Variants in TP73 observed in about 807,000 individuals in gnomAD.
TP73 encodes tumor protein p73.
TP73 carries 25 observed loss-of-function variants against 62.5 expected under a neutral mutation model. The ratio of observed to expected loss-of-function variants is 0.40; its 90% CI spans 0.29 to 0.56. The LOEUF (loss-of-function observed/expected upper bound fraction) is 0.56. Ranked by LOEUF, TP73 falls within the 20% of genes least tolerant of loss-of-function variation. The pLI, the probability that TP73 is intolerant of heterozygous loss-of-function variation, is 0.46. For missense variants in TP73, 754 were observed against 913.3 expected (o/e 0.83, Z 2.25); for synonymous variants, 423 against 377.5 (o/e 1.12, Z -1.40).
At chr1:3,718,247 C>A (rs1038483809) in intron 4 of TP73, among the ~76,000 whole-genome samples, 2 of 152,166 alleles carry the variant, frequency 1.3e-5, no homozygotes, top group African/African-American at 2.4e-5. Flanking sequence ...CAGTGCTCCC[C>A]GCGCCTGGGC....
intron 1 of TP73, among the ~76,000 whole-genome samples, chr1:3,656,335 G>A (rs1557476413): frequency 3.3e-5 from 5 of 152,214 alleles, no homozygotes; most frequent in East Asian, 1.9e-4. Context: ...CTAAACACTC[G>A]CTCATCCAAA....
chr1:3,672,564 A>T lies in TP73; in HGVS notation c.-33-9769A>T, dbSNP rs1408241522. On this transcript the variant is annotated intron_variant, in intron 1 of 13. Coordinates refer to ENST00000378295, the MANE Select transcript of TP73 (RefSeq NM_005427.4). The surrounding 1 kb of genome is among the most constrained non-coding windows in gnomAD (Gnocchi z 5.3). The stretch of plus-strand genomic sequence containing the variant: ...ATCGACTCAGACACCCACTCTGGCC[A>T]TAAGCTCCGCTCTGTCCCAGCCCTG... Among the ~76,000 whole-genome samples, 2 of 152,018 alleles carry T rather than the reference A, an allele frequency of 1.3e-5. No homozygotes were observed. The highest frequency in any genetic ancestry group is 3.9e-4 in the East Asian group (2 of 5,184).
intron 1 of TP73, among the ~76,000 whole-genome samples, chr1:3,654,984 C>A (rs573323104): frequency 2.2e-4 from 33 of 152,378 alleles, no homozygotes; most frequent in Admixed American, 1.9e-3. Flanking sequence ...CCGGACGAGG[C>A]CCTGCCCTTG....
intron 12 of TP73, 72 bp downstream of exon 12, chr1:3,731,137 C>T (rs1642108655): frequency 6.4e-7 from 1 of 1,556,042 alleles, no homozygotes; most frequent in African/African-American, 1.3e-5. Context: ...CTGGCCATGT[C>T]AGCTGCCCTG....
chr1:3,660,493 T>C (rs1235044382), intron 1 of TP73, among the ~76,000 whole-genome samples: 1 of 152,252 alleles, frequency 6.6e-6, no homozygotes, highest in Non-Finnish European at 1.5e-5. Flanking sequence ...CAGATTCATC[T>C]TGAACTTAAG....
intron 8 of TP73, 45 bp downstream of exon 8, chr1:3,727,815 G>GGGACACATTGGCA: frequency 1.3e-6 from 2 of 1,483,458 alleles, no homozygotes; most frequent in Non-Finnish European, 1.8e-6. Flanking sequence ...GGAGGAGAAG[G>GGGACACATTGGCA]GGACACATTG....
At position 3,663,001 on chromosome 1, in the gene TP73, G is replaced by T. The variant is rs142630218; in HGVS notation, c.-34+10360G>T. Among the ~76,000 whole-genome samples the T allele has an allele frequency of 2.0e-5, 3 of 152,244 alleles. No homozygotes were observed. Among genetic ancestry groups the T allele is most frequent in the Non-Finnish European group, 4.4e-5 (3 of 68,044 alleles). The stretch of plus-strand genomic sequence containing the variant: ...CTGGCATGAGTAATCTGAGGGCGGC[G>T]CTTTCCTCACTGCAGTGGCATCATA... On this transcript the variant is annotated intron_variant, in intron 1 of 13. Transcript: ENST00000378295. This position sits in a 1 kb window ranked among gnomAD's most constrained non-coding sequence, Gnocchi z 4.7.
chr1:3,657,790 C>T (rs1262724986), intron 1 of TP73, among the ~76,000 whole-genome samples: 4 of 152,192 alleles, frequency 2.6e-5, no homozygotes, highest in African/African-American at 4.8e-5. Flanking sequence ...CAGCACCTCC[C>T]GCCTGGCGCC....
At position 3,732,867 on chromosome 1, in the gene TP73, G is replaced by GCCA. The variant is rs1642244640; in HGVS notation, c.1703_1705dup (p.Thr568dup). The GCCA allele has an allele frequency of 6.2e-7, 1 of 1,612,024 alleles. No homozygotes were observed. The highest frequency in any genetic ancestry group is 1.1e-5 in the South Asian group (1 of 91,020). On this transcript the variant is annotated inframe_insertion, in exon 14 of 14. Coordinates refer to ENST00000378295, the MANE Select transcript of TP73 (RefSeq NM_005427.4). ...GCAGCTGCTCCGCTCTAGCAACGCGGCCACCATCTCCATCGGCGGCTCAGG... is the reference window on the plus strand; with the variant it reads ...GCAGCTGCTCCGCTCTAGCAACGCGGCCACCACCATCTCCATCGGCGGCTCAGG...
In TP73 at chr1:3,722,202, A is replaced by G. The variant is rs1641127885; in HGVS notation, c.611A>G (p.Asn204Ser). 1.2e-6 allele frequency: 2 copies of G among 1,612,386 alleles called. No homozygotes were observed. The highest frequency in any genetic ancestry group is 1.7e-6 in the Non-Finnish European group (2 of 1,179,790). Residue 204 changes from asparagine (N) to serine (S), a missense_variant, in exon 5 of 14, where the codon AAC becomes AGC. Physicochemically the swap from Asn to Ser is conservative, Grantham distance 46. This residue lies in a region of TP73 where 61 missense variants were observed against 133.2 expected (regional missense o/e 0.46). Transcript: ENST00000378295. Reference sequence around the variant, plus strand: ...AACCACGAGCTCGGGAGGGACTTCAACGAAGGTGAGGGCCCCCAGCTCCTC... The same window carrying G: ...AACCACGAGCTCGGGAGGGACTTCAGCGAAGGTGAGGGCCCCCAGCTCCTC... Reference protein sequence around the residue: ...CPNHELGRDFNEGQSAPASHL... With the variant: ...CPNHELGRDFSEGQSAPASHL...
intron 6 of TP73, among the ~76,000 whole-genome samples, chr1:3,724,869 G>C (rs545823282): frequency 3.9e-5 from 6 of 152,332 alleles, no homozygotes; most frequent in African/African-American, 1.4e-4. Flanking sequence ...AAACACAAAA[G>C]TTAGCCGAGC....
intron 3 of TP73, among the ~76,000 whole-genome samples, chr1:3,685,701 C>T (rs1645636704): frequency 3.9e-5 from 6 of 152,198 alleles, no homozygotes; most frequent in Admixed American, 3.3e-4. Context: ...GAGAATGGCC[C>T]CTGGCCCGCT....
At position 3,701,584 on chromosome 1, in the gene TP73, A is replaced by AACCTCTGCCT. The variant is rs1325892253; in HGVS notation, c.187-5964_187-5955dup. Among the ~76,000 whole-genome samples, 7 of 152,056 alleles carry AACCTCTGCCT rather than the reference A, an allele frequency of 4.6e-5. No homozygotes were observed. The highest frequency in any genetic ancestry group is 1.7e-4 in the African/African-American group (7 of 41,396). Reference sequence around the variant, plus strand: ...CTGTGGCGTGATCTCAGCTCACTGCAACCTCTGCCTCCCGGGTTCAAGCAA... The same window carrying AACCTCTGCCT: ...CTGTGGCGTGATCTCAGCTCACTGCAACCTCTGCCTACCTCTGCCTCCCGGGTTCAAGCAA... On this transcript the variant is annotated intron_variant, in intron 3 of 13. Transcript: ENST00000378295. The surrounding 1 kb of genome is among the most constrained non-coding windows in gnomAD (Gnocchi z 4.7).
At position 3,672,651 on chromosome 1, in the gene TP73, C is replaced by T. The variant is rs540469843; in HGVS notation, c.-33-9682C>T. 5.9e-4 allele frequency among the ~76,000 whole-genome samples: 89 copies of T among 151,944 alleles called. No homozygotes were observed. Among genetic ancestry groups the T allele is most frequent in the Non-Finnish European group, 9.9e-4 (67 of 67,950 alleles). On this transcript the variant is annotated intron_variant, in intron 1 of 13. Transcript: ENST00000378295. The surrounding 1 kb of genome is among the most constrained non-coding windows in gnomAD (Gnocchi z 5.3). ...GGGTCTTCTTCCTGTGCCCACTGTG[C>T]TGGTCTGAACCTCCCTTAGTGACAG...
intron 1 of TP73, among the ~76,000 whole-genome samples, chr1:3,677,690 C>A (rs1122725): frequency 3.9e-4 from 54 of 137,320 alleles, no homozygotes; most frequent in African/African-American, 1.5e-3. Context: ...CCTTCCTTCC[C>A]TTTTTTTTTT....
rs769931912 is a variant in TP73, at chr1:3,683,180, G to C, written c.186G>C (p.Met62Ile). ...FHLEGMTTSV[M>I]AQFNLLSSTM... ...TGGAGGGCATGACTACATCTGTCAT[G>C]GTGAGTGGGGGGGCTGCCCTCTGCA... Residue 62 changes from methionine to isoleucine, a missense_variant and splice_region_variant, in exon 3 of 14, where the codon ATG (methionine) becomes ATC (isoleucine). By Grantham distance (10) the Met-to-Ile change is conservative (BLOSUM62 1). Coordinates refer to ENST00000378295, the MANE Select transcript of TP73 (RefSeq NM_005427.4). The C allele has an allele frequency of 6.2e-7, 1 of 1,600,330 alleles. No homozygotes were observed. Among genetic ancestry groups the C allele is most frequent in the South Asian group, 1.1e-5 (1 of 90,588 alleles).
intron 9 of TP73, 151 bp from the exon 10 acceptor site, chr1:3,729,176 G>T (rs1255736945): frequency 2.8e-6 from 3 of 1,072,642 alleles, no homozygotes; most frequent in Non-Finnish European, 3.9e-6. Flanking sequence ...GAAGAGGAAA[G>T]AAGATCAGGG....
At chr1:3,718,333 T>A (rs1640783743) in intron 4 of TP73, among the ~76,000 whole-genome samples, 1 of 152,150 alleles carries the variant, frequency 6.6e-6, no homozygotes, top group East Asian at 1.9e-4. Flanking sequence ...TGCACCCACT[T>A]CGTAGCGCCC....
chr1:3,676,131 G>C (rs562695403), intron 1 of TP73, among the ~76,000 whole-genome samples: 1 of 149,732 alleles, frequency 6.7e-6, no homozygotes, highest in South Asian at 2.1e-4. Flanking sequence ...AGGGACAGAG[G>C]ATGGGGGACA....
Sources: allele counts gnomAD v4.1 joint callset (sites outside exome capture counted in the v4.1 genomes callset), GRCh38; gene constraint gnomAD v4.1.1; regional missense constraint gnomAD v4.1.1; non-coding constraint Gnocchi (gnomAD v3.1); transcripts MANE v1.5; gene names NCBI Gene and HGNC (gene_info 2026-07-23, HGNC 2026-07-21).